FAM229B: variants seen among roughly 807,000 people sequenced by gnomAD.
The protein encoded by FAM229B is family with sequence similarity 229 member B, also known as protein FAM229B.
Under a neutral mutation model 6.7 loss-of-function variants are expected in FAM229B, and 2 were observed. That is an observed-to-expected ratio of 0.30 (90% CI 0.12 to 0.94). The LOEUF (loss-of-function observed/expected upper bound fraction) is 0.94. FAM229B is among the 40% of genes least tolerant of loss of function. The pLI, the probability that FAM229B is intolerant of heterozygous loss-of-function variation, is 0.54. For synonymous variants in FAM229B, 29 were observed against 34.0 expected (o/e 0.85, Z 0.51); for missense variants, 93 against 96.2 (o/e 0.97, Z 0.14).
intron 1 of FAM229B, 35 bp from the exon 2 acceptor site, chr6:112,097,006 G>T (rs782174914): frequency 2.6e-5 from 4 of 152,252 alleles, no homozygotes; most frequent in East Asian, 1.9e-4. Context: ...TCAGCTTGTT[G>T]TTGGAGCTAT....
Position 112,100,894 on chromosome 6 carries a change from A to C in FAM229B, c.*107A>C. 2 of 807,660 alleles carry C rather than the reference A, an allele frequency of 2.5e-6. No individual in the cohort carries two copies. The highest frequency in any genetic ancestry group is 3.1e-5 in the South Asian group (2 of 63,578). 50.0% of individuals were successfully genotyped at this position (807,660 alleles called of 1,614,324 possible). A position where few individuals can be genotyped will look rare whatever the true frequency, so the allele number is the denominator to read the frequency against. On this transcript the variant is annotated 3_prime_UTR_variant, in exon 4 of 4. Coordinates refer to ENST00000368656, the MANE Select transcript of FAM229B (RefSeq NM_001033564.3). ...AGTGGTGGCACCTTTAGATGATGAC[A>C]ACAGTTGAGCTCTTTACTTTTAGTA...
At position 112,100,945 on chromosome 6, in the gene FAM229B, A is replaced by G; in HGVS notation, c.*158A>G. 2 of 626,528 alleles carry G rather than the reference A, an allele frequency of 3.2e-6. No individual in the cohort carries two copies. Among genetic ancestry groups the G allele is most frequent in the South Asian group, 2.0e-5 (1 of 50,228 alleles). 38.8% of individuals were successfully genotyped at this position (626,528 alleles called of 1,614,324 possible). On this transcript the variant is annotated 3_prime_UTR_variant, in exon 4 of 4. Coordinates refer to ENST00000368656, the MANE Select transcript of FAM229B (RefSeq NM_001033564.3). Reference sequence around the variant, plus strand: ...AGACCGACAGAAATGTAGTCAGTAAAGCACATGTAGTGATAGGCTATCAGT... The same window carrying G: ...AGACCGACAGAAATGTAGTCAGTAAGGCACATGTAGTGATAGGCTATCAGT...
Position 112,097,109 on chromosome 6 carries a change from A to G in FAM229B, c.-107A>G, listed in dbSNP as rs1188318242. On this transcript the variant is annotated 5_prime_UTR_variant, in exon 2 of 4. Transcript: ENST00000368656. Reference sequence around the variant, plus strand: ...CCGGGTGTCACCGGAACATTTGATCATCATTCCTTTGGCAATTCCAGCCTT... The same window carrying G: ...CCGGGTGTCACCGGAACATTTGATCGTCATTCCTTTGGCAATTCCAGCCTT... 1 of 152,242 alleles carries G rather than the reference A, an allele frequency of 6.6e-6. No homozygotes were observed. Among genetic ancestry groups the G allele is most frequent in the African/African-American group, 2.4e-5 (1 of 41,466 alleles). 9.4% of individuals were successfully genotyped at this position (152,242 alleles called of 1,614,324 possible).
intron 1 of FAM229B, among the ~76,000 whole-genome samples, chr6:112,089,482 A>G (rs1328971319): frequency 6.6e-6 from 1 of 152,190 alleles, no homozygotes; most frequent in Non-Finnish European, 1.5e-5. Context: ...TACTAAAATA[A>G]TAAGACTCAA....
Position 112,100,731 on chromosome 6 carries a change from T to TCTCGTC in FAM229B, c.187_188insCTCGTC (p.Tyr63delinsSerArgHis). ...AATAACTGATGTTCCCGTCACTGTT[T>TCTCGTC]ATGCAACAACGAGAAAGCCACCTGC... On this transcript the variant is annotated protein_altering_variant, in exon 4 of 4. Transcript: ENST00000368656. 6.2e-7 allele frequency: 1 copy of TCTCGTC among 1,614,092 alleles called. No individual in the cohort carries two copies. Among genetic ancestry groups the TCTCGTC allele is most frequent in the Non-Finnish European group, 8.5e-7 (1 of 1,179,966 alleles).
chr6:112,088,833 G>A (rs1777216390), intron 1 of FAM229B, among the ~76,000 whole-genome samples: 1 of 152,212 alleles, frequency 6.6e-6, no homozygotes, highest in Non-Finnish European at 1.5e-5. Flanking sequence ...CTGTATCAGT[G>A]TGTTATCAGT....
chr6:112,099,234 A>G, intron 2 of FAM229B, 36 bp from the exon 3 acceptor site: 1 of 1,570,936 alleles, frequency 6.4e-7, no homozygotes. Flanking sequence ...TTAATTTTCT[A>G]ATCTAGGTTT....
In FAM229B at chr6:112,099,297, T is replaced by G. The variant is rs61744746; in HGVS notation, c.14T>G (p.Phe5Cys). 2.4e-3 allele frequency: 3,893 copies of G among 1,613,406 alleles called. 102 individuals are homozygous for G. In the African/African-American group the frequency reaches 0.048, roughly 20 times the overall value. Reference protein sequence around the residue: MPFQFGTQPRRFPVE... With the variant: MPFQCGTQPRRFPVE... ...TTTCAGTGAAGTATGCCTTTTCAAT[T>G]TGGAACCCAGCCAAGGAGGTTTCCA... The change falls in exon 3 of 4, where the codon TTT (phenylalanine) becomes TGT (cysteine). Residue 5 changes from phenylalanine (F) to cysteine (C), a missense_variant. Coordinates refer to ENST00000368656, the MANE Select transcript of FAM229B (RefSeq NM_001033564.3).
At chr6:112,091,810 A>G (rs1777260546) in intron 1 of FAM229B, among the ~76,000 whole-genome samples, 1 of 152,134 alleles carries the variant, frequency 6.6e-6, no homozygotes, top group African/African-American at 2.4e-5. Context: ...CATAAAATTA[A>G]AAGAACATTA....
chr6:112,089,283 A>G lies in FAM229B; in HGVS notation c.-176+1563A>G, dbSNP rs112972405. ...CTCCTAAAATTGAAGGAAGGAAGAC[A>G]AGGATGGAAGGGAGAGAGGGAGGGA... On this transcript the variant is annotated intron_variant, in intron 1 of 3. Transcript: ENST00000368656. Among the ~76,000 whole-genome samples the G allele has an allele frequency of 7.9e-3, 1,209 of 152,174 alleles. 26 individuals are homozygous for G. The highest frequency in any genetic ancestry group is 0.028 in the African/African-American group (1,152 of 41,510).
Position 112,100,721 on chromosome 6 carries a change from C to T in FAM229B, c.177C>T (p.Pro59=), listed in dbSNP as rs145994228. The T allele has an allele frequency of 2.4e-5, 39 of 1,613,854 alleles. No individual in the cohort carries two copies. The African/African-American group carries it at 4.4e-4, about 18-fold the overall frequency. ...ATTGCCTGACAATAACTGATGTTCC[C>T]GTCACTGTTTATGCAACAACGAGAA... The part of the protein sequence containing the change: ...GSHCLTITDV[P]VTVYATTRKP... The change falls in exon 4 of 4, where the codon CCC becomes CCT. Residue 59 remains proline (P), a synonymous_variant. Coordinates refer to ENST00000368656, the MANE Select transcript of FAM229B (RefSeq NM_001033564.3).
Position 112,101,023 on chromosome 6 carries a change from A to G in FAM229B, c.*236A>G. 1 of 396,396 alleles carries G rather than the reference A, an allele frequency of 2.5e-6. No homozygotes were observed. The allele number at this position is 396,396 out of a possible 1,614,324, so 24.6% of individuals were successfully genotyped here. A position where few individuals can be genotyped will look rare whatever the true frequency, so the allele number is the denominator to read the frequency against. ...ATTTCACAATTAGAAAGTACCTTAG[A>G]GATCATCTTGCTCACAGTAGATCAT... On this transcript the variant is annotated 3_prime_UTR_variant, in exon 4 of 4. Transcript: ENST00000368656.
In FAM229B at chr6:112,101,631, T is replaced by C. The variant is rs1347416486; in HGVS notation, c.*844T>C. 6.6e-6 allele frequency: 1 copy of C among 152,178 alleles called. No homozygotes were observed. The highest frequency in any genetic ancestry group is 1.5e-5 in the Non-Finnish European group (1 of 68,044). 9.4% of individuals were successfully genotyped at this position (152,178 alleles called of 1,614,324 possible). ...CCCAGAAACTCAGTCTGCTTTCCTT[T>C]TCTCTCGATGGCTGTCAGCACCCAT... is the stretch of plus-strand genomic sequence containing the variant. On this transcript the variant is annotated 3_prime_UTR_variant, in exon 4 of 4. Transcript: ENST00000368656.
At chr6:112,095,363 G>A (rs960027135) in intron 1 of FAM229B, among the ~76,000 whole-genome samples, 3 of 151,968 alleles carry the variant, frequency 2.0e-5, no homozygotes, top group African/African-American at 7.2e-5. Context: ...GGGCACAGTG[G>A]GCTCATGCCT....
At chr6:112,087,805 C>T (rs192322895) in intron 1 of FAM229B, 85 bp downstream of exon 1, 180 of 252,792 alleles carry the variant, frequency 7.1e-4, no homozygotes, top group Non-Finnish European at 1.2e-3. Flanking sequence ...TGTTCACAGC[C>T]TCAACACCCG....
Position 112,101,710 on chromosome 6 carries a change from A to G in FAM229B, c.*923A>G, listed in dbSNP as rs180905776. 8.1e-4 allele frequency: 123 copies of G among 152,292 alleles called. No individual in the cohort carries two copies. The highest frequency in any genetic ancestry group is 2.9e-3 in the African/African-American group (119 of 41,552). The allele number at this position is 152,292 out of a possible 1,614,324, so 9.4% of individuals were successfully genotyped here. On this transcript the variant is annotated 3_prime_UTR_variant, in exon 4 of 4. Transcript: ENST00000368656. ...GACTTTAGGATCAGATACAATTTTC[A>G]CCAGTGTTTTTTGTCTACCTTGCTG...
chr6:112,091,963 A>T (rs1777262501), intron 1 of FAM229B, among the ~76,000 whole-genome samples: 1 of 152,134 alleles, frequency 6.6e-6, no homozygotes, highest in Non-Finnish European at 1.5e-5. Context: ...TAAAGAGCAG[A>T]TTAGACATTA....
In FAM229B at chr6:112,095,259, T is replaced by C. The variant is rs587717744; in HGVS notation, c.-175-1782T>C. Among the ~76,000 whole-genome samples, 45 of 152,312 alleles carry C rather than the reference T, an allele frequency of 3.0e-4. No homozygotes were observed. In the East Asian group the frequency reaches 8.5e-3, roughly 29 times the overall value. On this transcript the variant is annotated intron_variant, in intron 1 of 3. Transcript: ENST00000368656. ...TGTTTTTAATTCCTCACGACAACTC[T>C]GTAAGGTAGGAATTAATACCATTTT...
At chr6:112,088,292 T>C (rs1777206997) in intron 1 of FAM229B, among the ~76,000 whole-genome samples, 1 of 152,184 alleles carries the variant, frequency 6.6e-6, no homozygotes, top group Admixed American at 6.5e-5. Context: ...CAGGAGAAGA[T>C]TAAAAAGTTA....
Sources: gnomAD v4.1 joint callset for allele counts (sites outside exome capture counted in the v4.1 genomes callset) on GRCh38, gnomAD v4.1.1 for gene constraint, MANE v1.5 for transcripts, NCBI Gene and HGNC (gene_info 2026-07-23, HGNC 2026-07-21) for gene names.